The following INVS variants were observed in gnomAD, a reference collection of about 807,000 sequenced individuals.
INVS encodes inversion of embryo turning homolog.
Under a neutral mutation model 108.8 loss-of-function variants are expected in INVS, and 86 were observed. The observed-to-expected ratio is 0.79, with a 90% CI of 0.66 to 0.95. The LOEUF (loss-of-function observed/expected upper bound fraction) is 0.95, where lower values mean the gene tolerates loss of function less well. Ranked by LOEUF, INVS falls within the 40% of genes least tolerant of loss-of-function variation. INVS has a pLI of 0.00. For synonymous variants in INVS, 455 were observed against 473.5 expected (o/e 0.96, Z 0.51); for missense variants, 1,169 against 1,297.4 (o/e 0.90, Z 1.52).
chr9:100,137,531 C>T (rs979954155), intron 3 of INVS, among the ~76,000 whole-genome samples: 3 of 149,822 alleles, frequency 2.0e-5, no homozygotes, highest in Non-Finnish European at 2.9e-5. Flanking sequence ...GATCTATATT[C>T]GAGTCATAAT....
intron 10 of INVS, among the ~76,000 whole-genome samples, chr9:100,260,707 G>C (rs1832595394): frequency 6.6e-6 from 1 of 152,012 alleles, no homozygotes; most frequent in Admixed American, 6.6e-5. Context: ...TGTAGTTTAA[G>C]TAGTTAGCCT....
intron 1 of INVS, among the ~76,000 whole-genome samples, chr9:100,099,721 C>G (rs1291331616): frequency 6.6e-6 from 1 of 152,194 alleles, no homozygotes; most frequent in Admixed American, 6.5e-5. Flanking sequence ...TGAGTGATTG[C>G]TGCTAAGGCG....
chr9:100,185,516 A>AATATATATATATATATATAT (rs35603398), intron 3 of INVS, among the ~76,000 whole-genome samples: 14 of 110,848 alleles, frequency 1.3e-4, no homozygotes, highest in Non-Finnish European at 1.6e-4. Context: ...TATGCATAGA[A>AATATATATATATATATATAT]ATATATATAT....
intron 3 of INVS, among the ~76,000 whole-genome samples, chr9:100,209,769 C>CAA (rs58556710): frequency 1.2e-3 from 86 of 72,290 alleles, no homozygotes; most frequent in African/African-American, 2.7e-3. Context: ...GACTCCGTCT[C>CAA]AAAAAAAAAA....
At chr9:100,178,178 A>G (rs148360518) in intron 3 of INVS, among the ~76,000 whole-genome samples, 1 of 152,326 alleles carries the variant, frequency 6.6e-6, no homozygotes, top group East Asian at 1.9e-4. Context: ...AGGAAAAACC[A>G]ATGCAAAAAG....
chr9:100,265,287 CCTTT>C (rs1376750374), intron 11 of INVS, among the ~76,000 whole-genome samples: 1 of 152,088 alleles, frequency 6.6e-6, no homozygotes, highest in Non-Finnish European at 1.5e-5. Context: ...TATCATACAT[CCTTT>C]CTACCAGATT....
chr9:100,197,593 C>T (rs1830415693), intron 3 of INVS, among the ~76,000 whole-genome samples: 1 of 152,128 alleles, frequency 6.6e-6, no homozygotes, highest in East Asian at 1.9e-4. Context: ...GTACCCCATC[C>T]TTTTGGGCCT....
chr9:100,181,990 A>C (rs1829902212), intron 3 of INVS, among the ~76,000 whole-genome samples: 1 of 152,200 alleles, frequency 6.6e-6, no homozygotes, highest in Non-Finnish European at 1.5e-5. Flanking sequence ...ATCTTTGACA[A>C]ACCTGACAAA....
At chr9:100,254,911 G>A (rs1476554839) in intron 10 of INVS, among the ~76,000 whole-genome samples, 3 of 152,070 alleles carry the variant, frequency 2.0e-5, no homozygotes, top group Non-Finnish European at 4.4e-5. Flanking sequence ...CTCTTTTTTG[G>A]TTCCATGTGA....
At chr9:100,194,740 G>A (rs1830323132) in intron 3 of INVS, among the ~76,000 whole-genome samples, 1 of 152,074 alleles carries the variant, frequency 6.6e-6, no homozygotes, top group African/African-American at 2.4e-5. Flanking sequence ...AAGAATACAG[G>A]AATAACAAAT....
At chr9:100,288,726 TC>T (rs1399213929) in intron 13 of INVS, among the ~76,000 whole-genome samples, 2 of 151,762 alleles carry the variant, frequency 1.3e-5, no homozygotes, top group African/African-American at 2.4e-5. Flanking sequence ...GTTCAAGTGA[TC>T]CCCCCATCTC....
rs34945084 is a variant in INVS at position 100,160,954 on chromosome 9, CAA to C, written c.273+34426_273+34427del. 3.2e-3 allele frequency among the ~76,000 whole-genome samples: 232 copies of C among 72,624 alleles called. 1 individual carries two copies. Among genetic ancestry groups the C allele is most frequent in the Middle Eastern group, 0.023 (2 of 86 alleles). 47.6% of individuals were successfully genotyped at this position (72,624 alleles called of 152,430 possible). On this transcript the variant is annotated intron_variant, in intron 3 of 16. Coordinates refer to ENST00000262457, the MANE Select transcript of INVS (RefSeq NM_014425.5). Reference sequence around the variant, plus strand: ...TGGGTGACAGAGTGAGACTCTGTCTCAAAAAAAAAAAAAAAAAAAAAAGCTCT... The same window carrying C: ...TGGGTGACAGAGTGAGACTCTGTCTCAAAAAAAAAAAAAAAAAAAAGCTCT...
Position 100,218,635 on chromosome 9 carries a change from T to A in INVS, c.274-7427T>A, listed in dbSNP as rs561202239. Among the ~76,000 whole-genome samples the A allele has an allele frequency of 5.3e-5, 8 of 152,272 alleles. No individual in the cohort carries two copies. The South Asian group carries it at 1.7e-3, about 32-fold the overall frequency. On this transcript the variant is annotated intron_variant, in intron 3 of 16. Transcript: ENST00000262457. ...TGTAGAATATGATTTCAGAATAGGGTTCAGGAAGATGCCTCCTTCCTTTTC... is the reference window on the plus strand; with the variant it reads ...TGTAGAATATGATTTCAGAATAGGGATCAGGAAGATGCCTCCTTCCTTTTC...
intron 3 of INVS, among the ~76,000 whole-genome samples, chr9:100,212,157 C>T (rs1011461669): frequency 3.3e-5 from 5 of 152,160 alleles, no homozygotes; most frequent in African/African-American, 1.2e-4. Context: ...AGAGTACAAA[C>T]AGACATCTAA....
intron 3 of INVS, among the ~76,000 whole-genome samples, chr9:100,147,286 G>C (rs1828649729): frequency 1.3e-5 from 2 of 152,074 alleles, no homozygotes; most frequent in African/African-American, 4.8e-5. Context: ...AGACAACCTG[G>C]GAAATACATC....
chr9:100,265,047 ATTC>A (rs1228896969), intron 11 of INVS, 119 bp downstream of exon 11: 4 of 715,774 alleles, frequency 5.6e-6, no homozygotes, highest in Middle Eastern at 2.4e-4. Flanking sequence ...GGTTCAAGCA[ATTC>A]TTCTCCTTCA....
intron 2 of INVS, chr9:100,117,585 G>A (rs1827579967): frequency 1.2e-6 from 1 of 857,318 alleles, no homozygotes. Context: ...CCCATCCCAG[G>A]GCCACCAGGG....
At chr9:100,279,284 A>G (rs1456418015) in intron 12 of INVS, among the ~76,000 whole-genome samples, 1 of 152,184 alleles carries the variant, frequency 6.6e-6, no homozygotes. Context: ...GCCTGAAGTC[A>G]CACAGCTAGT....
At chr9:100,241,857 A>G (rs1315363729) in intron 6 of INVS, among the ~76,000 whole-genome samples, 1 of 152,118 alleles carries the variant, frequency 6.6e-6, no homozygotes, top group East Asian at 1.9e-4. Flanking sequence ...CAATATCTGA[A>G]AGCAATAGAG....
Sources: allele counts gnomAD v4.1 joint callset (sites outside exome capture counted in the v4.1 genomes callset), GRCh38; gene constraint gnomAD v4.1.1; transcripts MANE v1.5; gene names NCBI Gene and HGNC (gene_info 2026-07-23, HGNC 2026-07-21).